Variants in SYT9 observed in about 807,000 individuals in gnomAD.
The protein encoded by SYT9 is synaptotagmin-9.
Under a neutral mutation model 48.4 loss-of-function variants are expected in SYT9, and 22 were observed. The ratio of observed to expected loss-of-function variants is 0.45; its 90% CI spans 0.32 to 0.65. SYT9 has a LOEUF of 0.65. Ranked by LOEUF, SYT9 falls within the 30% of genes least tolerant of loss-of-function variation. The pLI, the probability that SYT9 is intolerant of heterozygous loss-of-function variation, is 0.03. For synonymous variants in SYT9, 265 were observed against 245.0 expected, an observed-to-expected ratio of 1.08 and a Z score of -0.76; for missense variants, 577 against 622.0, an observed-to-expected ratio of 0.93 and a Z score of 0.77.
chr11:7,333,865 G>C (rs999743249), intron 3 of SYT9, among the ~76,000 whole-genome samples: 1 of 152,136 alleles, frequency 6.6e-6, no homozygotes, highest in Non-Finnish European at 1.5e-5. Flanking sequence ...TTACCCTCTT[G>C]GGGCTTTTGG....
chr11:7,345,222 TCAACTGAG>T (rs1189992001), intron 3 of SYT9, among the ~76,000 whole-genome samples: 1 of 152,210 alleles, frequency 6.6e-6, no homozygotes. Context: ...GTCCGTTTCC[TCAACTGAG>T]GGAGCCCACT....
At chr11:7,390,316 C>T (rs974184350) in intron 3 of SYT9, among the ~76,000 whole-genome samples, 9 of 152,102 alleles carry the variant, frequency 5.9e-5, no homozygotes, top group Non-Finnish European at 1.2e-4. Context: ...TCCTTTTTTA[C>T]AGCTGCATAG....
rs573657358 is a variant in SYT9 at position 7,316,500 on chromosome 11, A to G, written c.1044+2559A>G. Among the ~76,000 whole-genome samples, 3 of 152,312 alleles carry G rather than the reference A, an allele frequency of 2.0e-5. No homozygotes were observed. In the East Asian group the frequency reaches 5.8e-4, roughly 29 times the overall value. ...GGCTTATGTATCTTCATTGCTATAT[A>G]ATATTCCATTGTATTAATATTAATA... On this transcript the variant is annotated intron_variant, in intron 3 of 6. Transcript: ENST00000318881.
chr11:7,270,569 T>C (rs562958620), intron 1 of SYT9, among the ~76,000 whole-genome samples: 20 of 152,300 alleles, frequency 1.3e-4, no homozygotes, highest in Admixed American at 5.9e-4. Context: ...TATAGATGAG[T>C]ATCTTGAACT....
chr11:7,427,901 G>C (rs1847495077), intron 6 of SYT9: 1 of 152,192 alleles, frequency 6.6e-6, no homozygotes, highest in Non-Finnish European at 1.5e-5. Flanking sequence ...ATTGCTGTAA[G>C]TGGCCAGAAT....
intron 3 of SYT9, among the ~76,000 whole-genome samples, chr11:7,357,514 T>G (rs1293025950): frequency 1.3e-5 from 2 of 152,184 alleles, no homozygotes; most frequent in East Asian, 3.9e-4. Flanking sequence ...CCAGCTTCTC[T>G]GAGAGAATCC....
intron 3 of SYT9, among the ~76,000 whole-genome samples, chr11:7,352,470 C>T (rs1849936077): frequency 1.3e-5 from 2 of 152,058 alleles, no homozygotes; most frequent in Admixed American, 6.5e-5. Flanking sequence ...TGCCTACTAT[C>T]CCTGGATGAC....
intron 1 of SYT9, among the ~76,000 whole-genome samples, chr11:7,285,000 C>A (rs1178205179): frequency 2.0e-5 from 3 of 152,158 alleles, no homozygotes; most frequent in Non-Finnish European, 2.9e-5. Flanking sequence ...TATCACCTAA[C>A]TATGGAGTTT....
chr11:7,455,150 T>C (rs1356406025), intron 6 of SYT9, among the ~76,000 whole-genome samples: 1 of 152,120 alleles, frequency 6.6e-6, no homozygotes, highest in Non-Finnish European at 1.5e-5. Context: ...GTTTCTTATC[T>C]TGTATCCTCT....
chr11:7,335,861 C>G (rs1445339197), intron 3 of SYT9, among the ~76,000 whole-genome samples: 1 of 152,072 alleles, frequency 6.6e-6, no homozygotes, highest in Non-Finnish European at 1.5e-5. Context: ...GGGTATACAC[C>G]CAGTAATGAG....
At chr11:7,291,916 G>T (rs570039729) in intron 1 of SYT9, among the ~76,000 whole-genome samples, 14 of 152,184 alleles carry the variant, frequency 9.2e-5, no homozygotes, top group Non-Finnish European at 2.1e-4. Flanking sequence ...GGGGTTTGGA[G>T]CAAGGACAAA....
chr11:7,337,970 G>A (rs1159712041), intron 3 of SYT9, among the ~76,000 whole-genome samples: 3 of 152,190 alleles, frequency 2.0e-5, no homozygotes, highest in Non-Finnish European at 2.9e-5. Flanking sequence ...GGTAGAATTC[G>A]GCTATGAATC....
At chr11:7,272,525 A>G (rs946605376) in intron 1 of SYT9, among the ~76,000 whole-genome samples, 2 of 152,070 alleles carry the variant, frequency 1.3e-5, no homozygotes, top group Admixed American at 1.3e-4. Context: ...ATGTAATGCA[A>G]TCTAGCTATT....
intron 1 of SYT9, among the ~76,000 whole-genome samples, chr11:7,291,842 G>A (rs1441030643): frequency 6.6e-6 from 1 of 152,168 alleles, no homozygotes; most frequent in African/African-American, 2.4e-5. Flanking sequence ...AAGGATCAAG[G>A]CCTTGTCCTG....
At chr11:7,394,083 G>T (rs1394680811) in intron 3 of SYT9, among the ~76,000 whole-genome samples, 1 of 151,490 alleles carries the variant, frequency 6.6e-6, no homozygotes, top group East Asian at 1.9e-4. Context: ...TTAACATTAG[G>T]TATATCTCCT....
chr11:7,349,653 C>T (rs1189620403), intron 3 of SYT9, among the ~76,000 whole-genome samples: 1 of 152,218 alleles, frequency 6.6e-6, no homozygotes, highest in Non-Finnish European at 1.5e-5. Flanking sequence ...AATCCATGCA[C>T]ATTGCCTATA....
At chr11:7,351,508 C>T (rs1006269952) in intron 3 of SYT9, among the ~76,000 whole-genome samples, 5 of 152,168 alleles carry the variant, frequency 3.3e-5, no homozygotes, top group Non-Finnish European at 5.9e-5. Flanking sequence ...ACTGCTCATT[C>T]CCTGCCCAGA....
chr11:7,263,681 A>T (rs901936076), intron 1 of SYT9, among the ~76,000 whole-genome samples: 1 of 152,190 alleles, frequency 6.6e-6, no homozygotes, highest in African/African-American at 2.4e-5. Flanking sequence ...TGCCCCTGAT[A>T]GGTCAAGTAA....
chr11:7,386,968 A>G (rs1414981571), intron 3 of SYT9, among the ~76,000 whole-genome samples: 1 of 152,244 alleles, frequency 6.6e-6, no homozygotes, highest in Admixed American at 6.5e-5. Context: ...CTATGCAGCC[A>G]TAAAAAATGA....
Sources: gnomAD v4.1 joint callset for allele counts (sites outside exome capture counted in the v4.1 genomes callset) on GRCh38, gnomAD v4.1.1 for gene constraint, MANE v1.5 for transcripts, NCBI Gene and HGNC (gene_info 2026-07-23, HGNC 2026-07-21) for gene names.